Variants in VANGL1 observed in about 807,000 individuals in gnomAD.
The protein encoded by VANGL1 is VANGL planar cell polarity protein 1.
A neutral mutation model predicts 48.4 loss-of-function variants in VANGL1; 18 were observed. That is an observed-to-expected ratio of 0.37 (90% CI 0.26 to 0.55). VANGL1 has a LOEUF of 0.55. Ranked by LOEUF, VANGL1 falls within the 20% of genes least tolerant of loss-of-function variation. The pLI is 0.81. For synonymous variants in VANGL1, 257 were observed against 261.8 expected (o/e 0.98, Z 0.18); for missense variants, 667 against 675.8 (o/e 0.99, Z 0.14).
chr1:115,681,500 G>T (rs79955112), intron 4 of VANGL1, among the ~76,000 whole-genome samples: 9,121 of 95,882 alleles, frequency 0.095, 471 homozygotes, highest in East Asian at 0.22. Flanking sequence ...TCTTTTTTTT[G>T]TTGTTTTTTT....
chr1:115,663,580 C>T (rs900914940), intron 3 of VANGL1, 81 bp from the exon 4 acceptor site: 59 of 1,570,868 alleles, frequency 3.8e-5, no homozygotes, highest in East Asian at 1.4e-4. Context: ...GTAGATGCAG[C>T]GGGCCCTGCA....
intron 1 of VANGL1, among the ~76,000 whole-genome samples, chr1:115,644,553 G>A (rs1284632837): frequency 6.6e-6 from 1 of 152,232 alleles, no homozygotes; most frequent in Non-Finnish European, 1.5e-5. Flanking sequence ...GATGTTAGCA[G>A]TATTGAAGTT....
At chr1:115,681,110 A>G (rs1255188740) in intron 4 of VANGL1, among the ~76,000 whole-genome samples, 1 of 152,144 alleles carries the variant, frequency 6.6e-6, no homozygotes, top group Non-Finnish European at 1.5e-5. Context: ...TGTGCAGGTC[A>G]TAGATTTTTG....
In VANGL1 at chr1:115,655,490, G is replaced by A. The variant is rs113290301; in HGVS notation, c.71+4006G>A. On this transcript the variant is annotated intron_variant, in intron 2 of 7. Coordinates refer to ENST00000355485, the MANE Select transcript of VANGL1 (RefSeq NM_138959.3). Reference sequence around the variant, plus strand: ...GCTCTTCCTGCCCCTCACACAACACGCACAGATATACTTATCTTTACTCAT... The same window carrying A: ...GCTCTTCCTGCCCCTCACACAACACACACAGATATACTTATCTTTACTCAT... 4.3e-4 allele frequency among the ~76,000 whole-genome samples: 65 copies of A among 152,230 alleles called. 1 individual carries two copies. The South Asian group carries it at 0.01, about 24-fold the overall frequency.
At chr1:115,683,816 T>G in intron 5 of VANGL1, 128 bp from the exon 6 acceptor site, 2 of 1,272,716 alleles carry the variant, frequency 1.6e-6, no homozygotes, top group Non-Finnish European at 2.3e-6. Context: ...GAAGTGACCT[T>G]TAGGATTTGT....
At chr1:115,646,247 C>T (rs897816899) in intron 1 of VANGL1, among the ~76,000 whole-genome samples, 12 of 152,154 alleles carry the variant, frequency 7.9e-5, no homozygotes, top group Non-Finnish European at 1.6e-4. Flanking sequence ...GCACTCTGTG[C>T]ACCTATCTCC....
At chr1:115,649,536 C>T (rs772375372) in intron 1 of VANGL1, among the ~76,000 whole-genome samples, 43 of 152,350 alleles carry the variant, frequency 2.8e-4, no homozygotes, top group Non-Finnish European at 5.6e-4. Flanking sequence ...ACAAGCATTT[C>T]GGAACCCGCA....
intron 2 of VANGL1, among the ~76,000 whole-genome samples, chr1:115,658,458 T>G (rs963764301): frequency 3.3e-5 from 5 of 152,250 alleles, no homozygotes; most frequent in African/African-American, 9.6e-5. Context: ...ACTACTTACA[T>G]TATGTGGTGT....
At position 115,642,056 on chromosome 1, in the gene VANGL1, G is replaced by C. The variant is rs894080121; in HGVS notation, c.-168G>C. The C allele has an allele frequency of 6.6e-6, 1 of 151,460 alleles. No individual in the cohort carries two copies. The highest frequency in any genetic ancestry group is 1.5e-5 in the Non-Finnish European group (1 of 67,814). 9.4% of individuals were successfully genotyped at this position (151,460 alleles called of 1,614,324 possible). On this transcript the variant is annotated 5_prime_UTR_variant, in exon 1 of 8. Coordinates refer to ENST00000355485, the MANE Select transcript of VANGL1 (RefSeq NM_138959.3). ...CGGGGCCGCTGTGAGCCGAGACCGC[G>C]GGCCGCGGAGCTCGGGCGGCCGGCG...
At chr1:115,686,878 T>TTAC (rs1653658756) in intron 7 of VANGL1, among the ~76,000 whole-genome samples, 1 of 84,766 alleles carries the variant, frequency 1.2e-5, no homozygotes, top group African/African-American at 4.6e-5. Context: ...TCAATGAGGA[T>TTAC]AATAATAATA....
At chr1:115,682,289 A>G in intron 4 of VANGL1, 75 bp from the exon 5 acceptor site, 1 of 1,590,676 alleles carries the variant, frequency 6.3e-7, no homozygotes, top group Non-Finnish European at 8.5e-7. Flanking sequence ...ACCTGACTCC[A>G]AAAGAGGATT....
intron 2 of VANGL1, among the ~76,000 whole-genome samples, chr1:115,657,482 A>T (rs897026366): frequency 6.6e-6 from 1 of 152,126 alleles, no homozygotes; most frequent in East Asian, 1.9e-4. Flanking sequence ...CCTTCATAGG[A>T]TTATTATTAG....
At chr1:115,664,383 C>A in intron 4 of VANGL1, 115 bp downstream of exon 4, 1 of 1,463,236 alleles carries the variant, frequency 6.8e-7, no homozygotes. Context: ...CAGAGTCTGA[C>A]TCTTTTCTGG....
At chr1:115,676,277 G>C (rs1241370238) in intron 4 of VANGL1, among the ~76,000 whole-genome samples, 2 of 152,144 alleles carry the variant, frequency 1.3e-5, no homozygotes, top group African/African-American at 4.8e-5. Flanking sequence ...AGGTAGGTTT[G>C]ATTTTCAGGA....
chr1:115,666,036 G>A (rs180929238), intron 4 of VANGL1, among the ~76,000 whole-genome samples: 72 of 152,332 alleles, frequency 4.7e-4, no homozygotes, highest in Middle Eastern at 3.4e-3. Context: ...CAATAAAGCC[G>A]AGCAGGAGAC....
rs745705057 is a variant in VANGL1, at chr1:115,666,752, C to A, written c.812+2484C>A. On this transcript the variant is annotated intron_variant, in intron 4 of 7. Coordinates refer to ENST00000355485, the MANE Select transcript of VANGL1 (RefSeq NM_138959.3). ...TTAATAAGGCCCCCTTTGTCCCTCT[C>A]GTGGAGAGCCTGAGTTAGGAGGTGG... is the stretch of plus-strand genomic sequence containing the variant. Among the ~76,000 whole-genome samples, 28 of 152,216 alleles carry A rather than the reference C, an allele frequency of 1.8e-4. 1 individual carries two copies. Among genetic ancestry groups the A allele is most frequent in the Admixed American group, 5.9e-4 (9 of 15,304 alleles).
At position 115,663,870 on chromosome 1, in the gene VANGL1, G is replaced by T; in HGVS notation, c.414G>T (p.Trp138Cys). 1 of 1,614,174 alleles carries T rather than the reference G, an allele frequency of 6.2e-7. No individual in the cohort carries two copies. The highest frequency in any genetic ancestry group is 8.5e-7 in the Non-Finnish European group (1 of 1,180,040). The change falls in exon 4 of 8, where the codon TGG becomes TGT. Residue 138 changes from tryptophan (W) to cysteine (C), a missense_variant. Coordinates refer to ENST00000355485, the MANE Select transcript of VANGL1 (RefSeq NM_138959.3). ...TCATCCTTTTACCTCCGATCCTGTG[G>T]AGGGATGAGCTGGAGCCTTGTGGCA... Reference protein sequence around the residue: ...IAFILLPPILWRDELEPCGTI... With the variant: ...IAFILLPPILCRDELEPCGTI...
In VANGL1 at chr1:115,689,743, G is replaced by T. The variant is rs1461967981; in HGVS notation, c.1315-1376G>T. Among the ~76,000 whole-genome samples the T allele has an allele frequency of 1.2e-4, 16 of 138,006 alleles. 1 individual carries two copies. In the Admixed American group the frequency reaches 1.2e-3, roughly 10 times the overall value. The allele number at this position is 138,006 out of a possible 152,430, so 90.5% of individuals were successfully genotyped here. On this transcript the variant is annotated intron_variant, in intron 7 of 7. Transcript: ENST00000355485. ...AGGCCAGGCAGGCAGATCACTAATG[G>T]CCAGGAGTTCAAGACCAGCCTGGCC...
rs1242643104 is a variant in VANGL1 at position 115,694,291 on chromosome 1, C to T, written c.*2912C>T. The T allele has an allele frequency of 1.3e-5, 2 of 152,218 alleles. No individual in the cohort carries two copies. 9.4% of individuals were successfully genotyped at this position (152,218 alleles called of 1,614,324 possible). A position where few individuals can be genotyped will look rare whatever the true frequency, so the allele number is the denominator to read the frequency against. On this transcript the variant is annotated 3_prime_UTR_variant, in exon 8 of 8. Transcript: ENST00000355485. ...TTGCCCAACTATCATCACCTCCCTT[C>T]CCCCGCCTCTGTTCTTGCCTTTTGA...
Sources: gnomAD v4.1 joint callset for allele counts (sites outside exome capture counted in the v4.1 genomes callset) on GRCh38, gnomAD v4.1.1 for gene constraint, MANE v1.5 for transcripts, NCBI Gene and HGNC (gene_info 2026-07-23, HGNC 2026-07-21) for gene names.